The following GALNTL6 variants were observed in gnomAD, a reference collection of about 807,000 sequenced individuals.
GALNTL6 encodes polypeptide N-acetylgalactosaminyltransferase like 6.
A neutral mutation model predicts 73.7 loss-of-function variants in GALNTL6; 46 were observed. The ratio of observed to expected loss-of-function variants is 0.62; its 90% CI spans 0.49 to 0.80. GALNTL6 has a LOEUF of 0.80. Ranked by LOEUF, GALNTL6 falls within the 30% of genes least tolerant of loss-of-function variation. The pLI, the probability that GALNTL6 is intolerant of heterozygous loss-of-function variation, is 0.00. For missense variants in GALNTL6, 604 were observed against 755.0 expected, an observed-to-expected ratio of 0.80 and a Z score of 2.34; for synonymous variants, 259 against 263.7, an observed-to-expected ratio of 0.98 and a Z score of 0.17.
At chr4:172,666,486 A>T (rs1208906285) in intron 5 of GALNTL6, among the ~76,000 whole-genome samples, 1 of 152,166 alleles carries the variant, frequency 6.6e-6, no homozygotes, top group Non-Finnish European at 1.5e-5. Context: ...AAAATCTCAC[A>T]CAAAGACTGC....
chr4:171,822,106 T>C (rs142429460), intron 2 of GALNTL6, among the ~76,000 whole-genome samples: 1 of 152,262 alleles, frequency 6.6e-6, no homozygotes, highest in East Asian at 1.9e-4. Context: ...TTCTTACTAA[T>C]TACAGGCAAG....
rs189326281 is a variant in GALNTL6 at position 172,947,918 on chromosome 4, C to G, written c.1150-4119C>G. ...TACAGTCTATAAAAGACCAATGAAA[C>G]TCTCTTTTTGCAACTGTTTGCAATA... is the stretch of plus-strand genomic sequence containing the variant. On this transcript the variant is annotated intron_variant, in intron 9 of 12. Transcript: ENST00000506823. Among the ~76,000 whole-genome samples, 302 of 152,242 alleles carry G rather than the reference C, an allele frequency of 2.0e-3. 4 individuals are homozygous for G. Among genetic ancestry groups the G allele is most frequent in the Non-Finnish European group, 3.3e-3 (227 of 68,030 alleles).
At chr4:171,872,959 C>T (rs146707217) in intron 2 of GALNTL6, among the ~76,000 whole-genome samples, 9 of 152,192 alleles carry the variant, frequency 5.9e-5, no homozygotes, top group Admixed American at 2.0e-4. Flanking sequence ...TTAATAGATA[C>T]ACAAATGAAT....
intron 2 of GALNTL6, among the ~76,000 whole-genome samples, chr4:172,208,930 A>G (rs551716786): frequency 6.4e-4 from 97 of 152,276 alleles, no homozygotes; most frequent in African/African-American, 2.3e-3. Context: ...GGCAAAAATT[A>G]TAGGAAAACA....
At chr4:172,052,758 T>C (rs1730912065) in intron 2 of GALNTL6, among the ~76,000 whole-genome samples, 1 of 152,186 alleles carries the variant, frequency 6.6e-6, no homozygotes, top group Non-Finnish European at 1.5e-5. Flanking sequence ...CTTTGATATT[T>C]GAAGTCAAAC....
chr4:171,953,759 G>C (rs1370602284), intron 2 of GALNTL6, among the ~76,000 whole-genome samples: 1 of 152,046 alleles, frequency 6.6e-6, no homozygotes, highest in African/African-American at 2.4e-5. Flanking sequence ...TGAATATCAA[G>C]AGTATATATT....
chr4:172,732,144 C>T (rs1382537120), intron 5 of GALNTL6, among the ~76,000 whole-genome samples: 2 of 151,992 alleles, frequency 1.3e-5, no homozygotes, highest in African/African-American at 2.4e-5. Context: ...ATGTTAACAT[C>T]CCTGACTATT....
At chr4:172,698,641 T>C (rs1733834552) in intron 5 of GALNTL6, among the ~76,000 whole-genome samples, 1 of 152,202 alleles carries the variant, frequency 6.6e-6, no homozygotes, top group African/African-American at 2.4e-5. Context: ...AAGCTCACTG[T>C]GCCACTCAAA....
chr4:172,037,250 A>G (rs778801292), intron 2 of GALNTL6, among the ~76,000 whole-genome samples: 7 of 152,188 alleles, frequency 4.6e-5, no homozygotes, highest in Non-Finnish European at 1.0e-4. Flanking sequence ...GTTGTTTAGG[A>G]TAATTAAAAA....
At chr4:172,037,726 A>G (rs2110833177) in intron 2 of GALNTL6, among the ~76,000 whole-genome samples, 1 of 152,318 alleles carries the variant, frequency 6.6e-6, no homozygotes, top group African/African-American at 2.4e-5. Flanking sequence ...CTATCTTGAA[A>G]TCATGAGCAA....
intron 4 of GALNTL6, among the ~76,000 whole-genome samples, chr4:172,314,350 T>C (rs1740468660): frequency 6.6e-6 from 1 of 152,142 alleles, no homozygotes; most frequent in Non-Finnish European, 1.5e-5. Context: ...GATTTTGCAA[T>C]GGAAGATATG....
chr4:172,999,236 G>A (rs1751931922), intron 10 of GALNTL6, among the ~76,000 whole-genome samples: 1 of 152,134 alleles, frequency 6.6e-6, no homozygotes, highest in Non-Finnish European at 1.5e-5. Flanking sequence ...GCAGGACATA[G>A]CAGCTGCTGC....
intron 7 of GALNTL6, among the ~76,000 whole-genome samples, chr4:172,878,739 TAGA>T (rs1745311619): frequency 6.6e-6 from 1 of 151,420 alleles, no homozygotes; most frequent in African/African-American, 2.4e-5. Flanking sequence ...GTGAGACAAA[TAGA>T]AGAGAAAGAG....
At chr4:172,696,106 A>G (rs865779303) in intron 5 of GALNTL6, among the ~76,000 whole-genome samples, 2 of 152,206 alleles carry the variant, frequency 1.3e-5, no homozygotes, top group South Asian at 4.1e-4. Context: ...GATTCAATCA[A>G]CACTAAGAAA....
chr4:171,979,126 C>G (rs1739809620), intron 2 of GALNTL6, among the ~76,000 whole-genome samples: 1 of 152,142 alleles, frequency 6.6e-6, no homozygotes, highest in South Asian at 2.1e-4. Context: ...AAGAGTATCA[C>G]AAGATTCATA....
chr4:171,942,677 G>A (rs1005408264), intron 2 of GALNTL6, among the ~76,000 whole-genome samples: 33 of 152,324 alleles, frequency 2.2e-4, no homozygotes, highest in African/African-American at 6.7e-4. Context: ...GGACAATACA[G>A]ATTGCACCTA....
intron 5 of GALNTL6, among the ~76,000 whole-genome samples, chr4:172,561,916 C>T (rs1263510937): frequency 1.3e-5 from 2 of 152,164 alleles, no homozygotes; most frequent in Non-Finnish European, 2.9e-5. Flanking sequence ...CAATTACCAA[C>T]ATGAATAGTA....
At chr4:172,499,962 C>T (rs1734202669) in intron 5 of GALNTL6, among the ~76,000 whole-genome samples, 2 of 152,034 alleles carry the variant, frequency 1.3e-5, no homozygotes, top group African/African-American at 4.8e-5. Flanking sequence ...TCTTACCTCT[C>T]TTACAGAAAG....
At chr4:172,403,572 C>G (rs1744115012) in intron 5 of GALNTL6, among the ~76,000 whole-genome samples, 1 of 152,020 alleles carries the variant, frequency 6.6e-6, no homozygotes, top group African/African-American at 2.4e-5. Flanking sequence ...TTTCATTACA[C>G]TACAATAAAA....
Sources: gnomAD v4.1 joint callset for allele counts (sites outside exome capture counted in the v4.1 genomes callset) on GRCh38, gnomAD v4.1.1 for gene constraint, MANE v1.5 for transcripts, NCBI Gene and HGNC (gene_info 2026-07-23, HGNC 2026-07-21) for gene names.